ARHGAP8: variants seen among roughly 807,000 people sequenced by gnomAD.
ARHGAP8 encodes the protein rho GTPase-activating protein 8.
Under a neutral mutation model 46.1 loss-of-function variants are expected in ARHGAP8, and 62 were observed. That is an observed-to-expected ratio of 1.34 (90% CI 1.10 to 1.66). The LOEUF (loss-of-function observed/expected upper bound fraction) is 1.66. Ranked by LOEUF, ARHGAP8 falls within the 40% of genes most tolerant of loss-of-function variation. The pLI, the probability that ARHGAP8 is intolerant of heterozygous loss-of-function variation, is 0.00. For synonymous variants in ARHGAP8, 375 were observed against 243.1 expected, an observed-to-expected ratio of 1.54 and a Z score of -5.05; for missense variants, 923 against 568.4, an observed-to-expected ratio of 1.62 and a Z score of -6.34.
At chr22:44,845,824 A>G (rs536606185) in intron 8 of ARHGAP8, among the ~76,000 whole-genome samples, 1 of 152,238 alleles carries the variant, frequency 6.6e-6, no homozygotes, top group South Asian at 2.1e-4. Flanking sequence ...TGAGGCTAGA[A>G]CTGAGGTCCA....
At chr22:44,840,661 C>T (rs914366929) in intron 7 of ARHGAP8, among the ~76,000 whole-genome samples, 9 of 151,564 alleles carry the variant, frequency 5.9e-5, no homozygotes, top group South Asian at 4.2e-4. Flanking sequence ...TCAGCTGTGA[C>T]GTGGACCGCC....
chr22:44,778,884 C>T (rs132484), intron 1 of ARHGAP8, among the ~76,000 whole-genome samples: 133,916 of 151,880 alleles, frequency 0.88, 59,129 homozygotes, highest in Non-Finnish European at 0.89. Context: ...AAGGTAACTT[C>T]CAGGAAATGG....
At chr22:44,832,191 T>C (rs1394610493) in intron 7 of ARHGAP8, among the ~76,000 whole-genome samples, 6 of 151,812 alleles carry the variant, frequency 4.0e-5, no homozygotes, top group African/African-American at 7.2e-5. Context: ...TAAATTTTTT[T>C]TTTTTAATTT....
At chr22:44,849,955 T>C (rs900668419) in intron 10 of ARHGAP8, 1 of 152,086 alleles carries the variant, frequency 6.6e-6, no homozygotes, top group Non-Finnish European at 1.5e-5. Context: ...GGGGCCCTGA[T>C]GGTTTATGGT....
At chr22:44,845,386 G>A in intron 8 of ARHGAP8, 44 bp downstream of exon 8, 1 of 1,612,750 alleles carries the variant, frequency 6.2e-7, no homozygotes, top group African/African-American at 1.3e-5. Flanking sequence ...AGGGCTGCTG[G>A]GTGCACCTCT....
intron 7 of ARHGAP8, among the ~76,000 whole-genome samples, chr22:44,831,309 G>T (rs1421022091): frequency 6.6e-6 from 1 of 152,092 alleles, no homozygotes; most frequent in Admixed American, 6.6e-5. Context: ...GTTAGATTTG[G>T]GTCTTTGATA....
chr22:44,776,779 C>T (rs529146280), intron 1 of ARHGAP8, among the ~76,000 whole-genome samples: 1 of 152,224 alleles, frequency 6.6e-6, no homozygotes, highest in African/African-American at 2.4e-5. Flanking sequence ...GCGCTGCGCA[C>T]TGTAGGTGGC....
At chr22:44,779,042 A>C (rs1926626985) in intron 1 of ARHGAP8, among the ~76,000 whole-genome samples, 1 of 151,932 alleles carries the variant, frequency 6.6e-6, no homozygotes, top group Non-Finnish European at 1.5e-5. Context: ...TGGAATGGAT[A>C]CGTAACGAAA....
intron 1 of ARHGAP8, among the ~76,000 whole-genome samples, chr22:44,774,592 G>A (rs1163614023): frequency 1.4e-5 from 2 of 139,390 alleles, no homozygotes; most frequent in Non-Finnish European, 3.0e-5. Context: ...GCACAGTCTT[G>A]GCTAATTGCA....
intron 2 of ARHGAP8, among the ~76,000 whole-genome samples, chr22:44,800,096 C>T (rs1284079369): frequency 8.9e-6 from 1 of 112,866 alleles, no homozygotes. Flanking sequence ...GGAGTCTGTT[C>T]TGTCTTTTTT....
intron 1 of ARHGAP8, among the ~76,000 whole-genome samples, chr22:44,776,886 C>T (rs1429125633): frequency 2.6e-5 from 4 of 152,100 alleles, no homozygotes; most frequent in Non-Finnish European, 5.9e-5. Context: ...ATCCCCCCTG[C>T]CTCAAGGCCC....
At chr22:44,796,774 A>C (rs1328799923) in intron 2 of ARHGAP8, among the ~76,000 whole-genome samples, 2 of 152,160 alleles carry the variant, frequency 1.3e-5, no homozygotes, top group African/African-American at 2.4e-5. Flanking sequence ...TTCGTAATAA[A>C]GCTGTGATTG....
chr22:44,812,380 C>T (rs1929399964), intron 4 of ARHGAP8, among the ~76,000 whole-genome samples: 1 of 132,580 alleles, frequency 7.5e-6, no homozygotes, highest in Non-Finnish European at 1.6e-5. Context: ...TTTTTTGAGA[C>T]GGAGTCTTGC....
chr22:44,794,362 T>C (rs1241331039), intron 2 of ARHGAP8, among the ~76,000 whole-genome samples: 1 of 152,160 alleles, frequency 6.6e-6, no homozygotes, highest in African/African-American at 2.4e-5. Flanking sequence ...GAGGAAGAGA[T>C]TCTACCCTGG....
chr22:44,766,383 A>G (rs1356698556), intron 1 of ARHGAP8, among the ~76,000 whole-genome samples: 1 of 151,608 alleles, frequency 6.6e-6, no homozygotes, highest in Non-Finnish European at 1.5e-5. Flanking sequence ...GGTGCGGAGG[A>G]GTCAGAGTGT....
At chr22:44,770,933 C>T (rs1925952921) in intron 1 of ARHGAP8, among the ~76,000 whole-genome samples, 2 of 152,182 alleles carry the variant, frequency 1.3e-5, no homozygotes, top group South Asian at 4.1e-4. Flanking sequence ...CCAGAGTCAG[C>T]TTGGCCCATG....
intron 7 of ARHGAP8, among the ~76,000 whole-genome samples, chr22:44,844,403 TTAAGTC>T (rs1278570911): frequency 7.9e-5 from 12 of 152,234 alleles, no homozygotes; most frequent in African/African-American, 2.7e-4. Flanking sequence ...GATAATTACA[TTAAGTC>T]TAAGTGGCCT....
chr22:44,858,461 G>A (rs995897176), intron 10 of ARHGAP8, among the ~76,000 whole-genome samples: 4 of 146,048 alleles, frequency 2.7e-5, no homozygotes, highest in Non-Finnish European at 4.5e-5. Context: ...TCTGTCTTCT[G>A]AGTTCAAGCA....
At chr22:44,788,622 G>C (rs942095686) in intron 2 of ARHGAP8, among the ~76,000 whole-genome samples, 9 of 152,100 alleles carry the variant, frequency 5.9e-5, no homozygotes, top group Non-Finnish European at 1.3e-4. Flanking sequence ...TCGAACTCCT[G>C]ACCTCAAGTG....
Sources: allele counts gnomAD v4.1 joint callset (sites outside exome capture counted in the v4.1 genomes callset), GRCh38; gene constraint gnomAD v4.1.1; transcripts MANE v1.5; gene names NCBI Gene and HGNC (gene_info 2026-07-23, HGNC 2026-07-21).